Variants in SLC8A1 observed in about 807,000 individuals in gnomAD.
SLC8A1 encodes solute carrier family 8 member A1.
Under a neutral mutation model 68.3 loss-of-function variants are expected in SLC8A1, and 18 were observed. The ratio of observed to expected loss-of-function variants is 0.26; its 90% CI spans 0.18 to 0.39. The LOEUF is 0.39. Among genes scored for constraint, SLC8A1 ranks in the 10% least tolerant of loss-of-function variants. SLC8A1 has a pLI of 1.00. For synonymous variants in SLC8A1, 475 were observed against 415.5 expected (o/e 1.14, Z -1.74); for missense variants, 985 against 1,156.7 (o/e 0.85, Z 2.15).
At chr2:40,140,651 G>C (rs895150929) in intron 6 of SLC8A1, among the ~76,000 whole-genome samples, 2 of 152,230 alleles carry the variant, frequency 1.3e-5, no homozygotes, top group Non-Finnish European at 2.9e-5. Context: ...TTTCTAAATT[G>C]TACATGTTCA....
chr2:40,114,848 C>G lies in SLC8A1; in HGVS notation c.*405G>C, dbSNP rs915713460. 4 of 152,726 alleles carry G rather than the reference C, an allele frequency of 2.6e-5. 1 individual carries two copies. In the South Asian group the frequency reaches 8.3e-4, roughly 32 times the overall value. The allele number at this position is 152,726 out of a possible 1,614,324, so 9.5% of individuals were successfully genotyped here. ...ACCCATTTACATTTGGATGGTTTCACTTTCCACAAAGAAAAGCAACAACCC... is the reference window on the plus strand; with the variant it reads ...ACCCATTTACATTTGGATGGTTTCAGTTTCCACAAAGAAAAGCAACAACCC... On this transcript the variant is annotated 3_prime_UTR_variant, in exon 8 of 8. Transcript: ENST00000406785.
chr2:40,235,051 T>G (rs2060182948), intron 2 of SLC8A1, among the ~76,000 whole-genome samples: 1 of 152,164 alleles, frequency 6.6e-6, no homozygotes, highest in South Asian at 2.1e-4. Context: ...GATATTGGTC[T>G]AAAATTCTCT....
chr2:40,329,303 T>C (rs2076175727), intron 2 of SLC8A1, among the ~76,000 whole-genome samples: 1 of 152,192 alleles, frequency 6.6e-6, no homozygotes, highest in Non-Finnish European at 1.5e-5. Context: ...ACTATTAACT[T>C]CCTGTATTTT....
intron 7 of SLC8A1, among the ~76,000 whole-genome samples, chr2:40,128,770 A>C (rs2038698551): frequency 6.6e-6 from 1 of 152,252 alleles, no homozygotes; most frequent in Non-Finnish European, 1.5e-5. Context: ...GAAGAACAAA[A>C]AATATCTCAT....
chr2:40,339,296 G>C (rs1471349592), intron 2 of SLC8A1, among the ~76,000 whole-genome samples: 4 of 152,160 alleles, frequency 2.6e-5, no homozygotes, highest in Admixed American at 2.6e-4. Flanking sequence ...CCAGTGATTA[G>C]ATAAAGGTAA....
intron 6 of SLC8A1, among the ~76,000 whole-genome samples, chr2:40,151,295 A>G (rs2043376770): frequency 6.6e-6 from 1 of 151,988 alleles, no homozygotes; most frequent in African/African-American, 2.4e-5. Context: ...GTATGTATTT[A>G]TATAGATTGT....
rs143947974 is a variant in SLC8A1 at position 40,389,629 on chromosome 2, C to T, written c.1808+38844G>A. On this transcript the variant is annotated intron_variant, in intron 2 of 7. Coordinates refer to ENST00000406785, the Ensembl canonical transcript of SLC8A1. ...CCAGACCATCCAACTGAATGAGCCA[C>T]GAAAATTACCCCCATTCCCATGTTA... is the stretch of plus-strand genomic sequence containing the variant. Among the ~76,000 whole-genome samples the T allele has an allele frequency of 8.0e-3, 1,220 of 151,942 alleles. 6 individuals are homozygous for T. The highest frequency in any genetic ancestry group is 0.013 in the Non-Finnish European group (884 of 67,954).
chr2:40,231,253 A>G (rs2059607679), intron 2 of SLC8A1, among the ~76,000 whole-genome samples: 1 of 152,208 alleles, frequency 6.6e-6, no homozygotes, highest in South Asian at 2.1e-4. Context: ...TAAATTCTGA[A>G]GAGTGTAATA....
chr2:40,175,978 A>G lies in SLC8A1; in HGVS notation c.1913-1136T>C, dbSNP rs1476218373. On this transcript the variant is annotated intron_variant, in intron 3 of 7. Transcript: ENST00000406785. ...GACTTCTGTACATTATTAGATAACC[A>G]GAATCCTTCTAGTGGACATATCATC... 5 of 451,236 alleles carry G rather than the reference A, an allele frequency of 1.1e-5. No individual in the cohort carries two copies. In the Admixed American group the frequency reaches 1.2e-4, roughly 11 times the overall value. 28.0% of individuals were successfully genotyped at this position (451,236 alleles called of 1,614,324 possible). A position where few individuals can be genotyped will look rare whatever the true frequency, so the allele number is the denominator to read the frequency against.
chr2:40,133,884 T>C (rs1315915140), intron 7 of SLC8A1, among the ~76,000 whole-genome samples: 1 of 152,164 alleles, frequency 6.6e-6, no homozygotes, highest in African/African-American at 2.4e-5. Flanking sequence ...AGTAAATAAC[T>C]GTAAGCTAAA....
chr2:40,311,169 G>C (rs2073596598), intron 2 of SLC8A1, among the ~76,000 whole-genome samples: 1 of 152,040 alleles, frequency 6.6e-6, no homozygotes, highest in Admixed American at 6.6e-5. Flanking sequence ...GTCAGTCAAT[G>C]GGAATTAGAA....
chr2:40,498,340 A>T (rs1486736358), intron 1 of SLC8A1, among the ~76,000 whole-genome samples: 1 of 152,098 alleles, frequency 6.6e-6, no homozygotes, highest in Admixed American at 6.6e-5. Context: ...TTGCAAAAGT[A>T]AATTATATGC....
At chr2:40,296,788 A>G (rs1349470062) in intron 2 of SLC8A1, among the ~76,000 whole-genome samples, 1 of 152,174 alleles carries the variant, frequency 6.6e-6, no homozygotes, top group African/African-American at 2.4e-5. Flanking sequence ...GCCATGAGCT[A>G]TCTTTGCTCT....
chr2:40,204,766 T>A lies in SLC8A1; in HGVS notation c.1809-26911A>T, dbSNP rs186880846. 4.7e-3 allele frequency among the ~76,000 whole-genome samples: 709 copies of A among 152,170 alleles called. 9 individuals carry two copies. Among genetic ancestry groups the A allele is most frequent in the South Asian group, 0.042 (201 of 4,826 alleles). On this transcript the variant is annotated intron_variant, in intron 2 of 7. Coordinates refer to ENST00000406785, the Ensembl canonical transcript of SLC8A1. Reference sequence around the variant, plus strand: ...TTTACTCAATATATCCAACATATCATAATCTTAACATATAATTAATATAAA... The same window carrying A: ...TTTACTCAATATATCCAACATATCAAAATCTTAACATATAATTAATATAAA...
At chr2:40,481,522 C>A (rs1252189864) in intron 1 of SLC8A1, among the ~76,000 whole-genome samples, 1 of 152,148 alleles carries the variant, frequency 6.6e-6, no homozygotes, top group Non-Finnish European at 1.5e-5. Context: ...TTTTTAGCTT[C>A]TAGTAGGATG....
At chr2:40,310,770 C>T (rs922177003) in intron 2 of SLC8A1, among the ~76,000 whole-genome samples, 14 of 152,122 alleles carry the variant, frequency 9.2e-5, no homozygotes, top group African/African-American at 3.4e-4. Flanking sequence ...CACAATAGCT[C>T]ACTGCCATGG....
At chr2:40,416,302 A>AG (rs1283075807) in intron 2 of SLC8A1, among the ~76,000 whole-genome samples, 2 of 152,174 alleles carry the variant, frequency 1.3e-5, no homozygotes, top group African/African-American at 4.8e-5. Flanking sequence ...TCATTTTAGT[A>AG]GATCATCCAT....
chr2:40,140,251 C>T (rs2041293314), intron 6 of SLC8A1, among the ~76,000 whole-genome samples: 1 of 152,126 alleles, frequency 6.6e-6, no homozygotes, highest in Non-Finnish European at 1.5e-5. Flanking sequence ...TAATTATATG[C>T]CAAAAAATGA....
At chr2:40,133,284 G>T (rs965703785) in intron 7 of SLC8A1, among the ~76,000 whole-genome samples, 1 of 151,500 alleles carries the variant, frequency 6.6e-6, no homozygotes, top group African/African-American at 2.4e-5. Context: ...TATATATCAA[G>T]TTCTTTCTAT....
Sources: gnomAD v4.1 joint callset for allele counts (sites outside exome capture counted in the v4.1 genomes callset) on GRCh38, gnomAD v4.1.1 for gene constraint, MANE v1.5 for transcripts, NCBI Gene and HGNC (gene_info 2026-07-23, HGNC 2026-07-21) for gene names.